The following SAMD12 variants were observed in gnomAD, a reference collection of about 807,000 sequenced individuals.
The protein encoded by SAMD12 is sterile alpha motif domain containing 12.
SAMD12 carries 9 observed loss-of-function variants against 15.0 expected under a neutral mutation model. The ratio of observed to expected loss-of-function variants is 0.60; its 90% CI spans 0.36 to 1.05. The LOEUF (loss-of-function observed/expected upper bound fraction) is 1.05. SAMD12 is among the 50% of genes least tolerant of loss of function. The probability of loss-of-function intolerance (pLI) is 0.01; values close to 1 mark genes in which losing one functional copy is unlikely to be tolerated. For missense variants in SAMD12, 230 were observed against 234.2 expected (o/e 0.98, Z 0.12); for synonymous variants, 86 against 90.1 (o/e 0.96, Z 0.25).
At chr8:118,267,320 A>G (rs898919172) in intron 4 of SAMD12, among the ~76,000 whole-genome samples, 3 of 152,208 alleles carry the variant, frequency 2.0e-5, no homozygotes, top group African/African-American at 7.2e-5. Context: ...TTATGATGCC[A>G]TGATTCTCAG....
intron 2 of SAMD12, among the ~76,000 whole-genome samples, chr8:118,456,206 A>G (rs1038465013): frequency 6.6e-6 from 1 of 152,164 alleles, no homozygotes; most frequent in African/African-American, 2.4e-5. Context: ...TATACAGCCC[A>G]CCCTTACTTT....
Position 118,379,458 on chromosome 8 carries a change from G to T in SAMD12, c.565C>A (p.Leu189Ile). The T allele has an allele frequency of 6.2e-7, 1 of 1,613,706 alleles. No individual in the cohort carries two copies. Among genetic ancestry groups the T allele is most frequent in the African/African-American group, 1.3e-5 (1 of 75,020 alleles). ...TGVRENLLLF[L>I]HRISIIENSI... is the part of the protein sequence containing the mutation. ...TTTTCTATGATGGAAATTCTGTGAA[G>T]AAACAATAACAAATTCTCCCTGACT... Residue 189 changes from leucine (L) to isoleucine (I), a missense_variant, in exon 4 of 4, where the codon CTT (leucine) becomes ATT (isoleucine). By Grantham distance (5) the Leu-to-Ile change is conservative (BLOSUM62 2). Transcript: ENST00000314727.
chr8:118,247,154 C>G (rs892385038), intron 4 of SAMD12, among the ~76,000 whole-genome samples: 3 of 151,896 alleles, frequency 2.0e-5, no homozygotes, highest in African/African-American at 7.3e-5. Flanking sequence ...ATAAGCCAGG[C>G]AGAGGGAGAT....
intron 4 of SAMD12, among the ~76,000 whole-genome samples, chr8:118,291,553 C>T (rs566639205): frequency 6.6e-6 from 1 of 152,210 alleles, no homozygotes; most frequent in South Asian, 2.1e-4. Flanking sequence ...CCAAATCAGG[C>T]GAGTTTCCAG....
intron 2 of SAMD12, among the ~76,000 whole-genome samples, chr8:118,507,122 G>A (rs1362698968): frequency 1.3e-5 from 2 of 151,922 alleles, no homozygotes; most frequent in African/African-American, 4.8e-5. Context: ...TGCATTCCAT[G>A]AATTCTACAA....
At chr8:118,515,814 G>A (rs766951235) in intron 2 of SAMD12, among the ~76,000 whole-genome samples, 3 of 152,222 alleles carry the variant, frequency 2.0e-5, no homozygotes, top group Non-Finnish European at 4.4e-5. Flanking sequence ...ACAGGAGGCT[G>A]TGTTTAACTG....
chr8:118,313,553 ATTCT>A (rs1373494446), intron 4 of SAMD12, among the ~76,000 whole-genome samples: 1 of 152,142 alleles, frequency 6.6e-6, no homozygotes, highest in Non-Finnish European at 1.5e-5. Flanking sequence ...TTAACAAAGA[ATTCT>A]TTCTGTCTAT....
chr8:118,228,156 A>C (rs1013110555), intron 4 of SAMD12, among the ~76,000 whole-genome samples: 1 of 152,204 alleles, frequency 6.6e-6, no homozygotes, highest in African/African-American at 2.4e-5. Context: ...AAAGACTTAA[A>C]CCTAAGACCT....
At chr8:118,202,494 A>C (rs1819741537) in intron 4 of SAMD12, among the ~76,000 whole-genome samples, 1 of 152,152 alleles carries the variant, frequency 6.6e-6, no homozygotes, top group South Asian at 2.1e-4. Context: ...CAAAGGCAGG[A>C]AGTGACTGGC....
the SAMD12 span, among the ~76,000 whole-genome samples, chr8:118,139,076 AG>A: frequency 6.6e-6 from 1 of 152,184 alleles, no homozygotes; most frequent in South Asian, 2.1e-4. Flanking sequence ...GTGGAGGCAG[AG>A]GTGGTGGAAA....
At chr8:118,586,752 C>T (rs1320359119) in intron 1 of SAMD12, among the ~76,000 whole-genome samples, 1 of 152,216 alleles carries the variant, frequency 6.6e-6, no homozygotes, top group Non-Finnish European at 1.5e-5. Flanking sequence ...GAAGTGACTA[C>T]TTCTTGCTGA....
At chr8:118,533,653 G>T (rs1163009499) in intron 2 of SAMD12, among the ~76,000 whole-genome samples, 3 of 152,184 alleles carry the variant, frequency 2.0e-5, no homozygotes, top group Non-Finnish European at 4.4e-5. Context: ...AATTAGGATA[G>T]TTAGCTCTTC....
chr8:118,396,860 G>C (rs1033121738), intron 3 of SAMD12, among the ~76,000 whole-genome samples: 4 of 152,156 alleles, frequency 2.6e-5, no homozygotes, highest in African/African-American at 9.7e-5. Flanking sequence ...TAGAGAGGTG[G>C]TAACAGGAAG....
chr8:118,308,063 C>T (rs11774292), intron 4 of SAMD12, among the ~76,000 whole-genome samples: 8 of 152,158 alleles, frequency 5.3e-5, no homozygotes, highest in Non-Finnish European at 1.2e-4. Context: ...ATGCTGATAA[C>T]TGGTAATTCC....
At chr8:118,397,485 C>A (rs1820641406) in intron 3 of SAMD12, among the ~76,000 whole-genome samples, 1 of 152,016 alleles carries the variant, frequency 6.6e-6, no homozygotes, top group African/African-American at 2.4e-5. Context: ...GCACAGAAAC[C>A]CCAAGTCTAC....
At chr8:118,227,271 A>G (rs1812208057) in intron 4 of SAMD12, among the ~76,000 whole-genome samples, 1 of 152,226 alleles carries the variant, frequency 6.6e-6, no homozygotes, top group Non-Finnish European at 1.5e-5. Context: ...AGGAACAGAA[A>G]AACAAATATC....
At chr8:118,391,588 T>C (rs1820279154) in intron 3 of SAMD12, among the ~76,000 whole-genome samples, 1 of 152,248 alleles carries the variant, frequency 6.6e-6, no homozygotes, top group African/African-American at 2.4e-5. Context: ...TGCTGGTTCC[T>C]ACATGTGAAT....
intron 4 of SAMD12, among the ~76,000 whole-genome samples, chr8:118,275,159 T>A (rs1337398254): frequency 6.6e-6 from 1 of 152,204 alleles, no homozygotes; most frequent in Non-Finnish European, 1.5e-5. Flanking sequence ...TTGTTAAAAA[T>A]TTATCATGAA....
intron 1 of SAMD12, among the ~76,000 whole-genome samples, chr8:118,592,801 C>T (rs975626354): frequency 8.5e-5 from 13 of 152,114 alleles, no homozygotes; most frequent in Admixed American, 3.3e-4. Flanking sequence ...TAGAAGGTTA[C>T]AAAGGTCAGA....
Sources: allele counts gnomAD v4.1 joint callset (sites outside exome capture counted in the v4.1 genomes callset), GRCh38; gene constraint gnomAD v4.1.1; transcripts MANE v1.5; gene names NCBI Gene and HGNC (gene_info 2026-07-23, HGNC 2026-07-21).